Variants in PALLD observed in about 807,000 individuals in gnomAD.
The protein encoded by PALLD is palladin, cytoskeletal associated protein, also known as palladin.
PALLD carries 61 observed loss-of-function variants against 123.5 expected under a neutral mutation model. The observed-to-expected ratio is 0.49, with a 90% CI of 0.40 to 0.61. The LOEUF is 0.61. PALLD is among the 20% of genes least tolerant of loss of function. PALLD has a pLI of 0.00. For missense variants in PALLD, 1,273 were observed against 1,377.0 expected (o/e 0.92, Z 1.20); for synonymous variants, 465 against 496.4 (o/e 0.94, Z 0.84).
At chr4:168,627,020 T>G (rs186913784) in intron 2 of PALLD, among the ~76,000 whole-genome samples, 2 of 152,240 alleles carry the variant, frequency 1.3e-5, no homozygotes, top group African/African-American at 2.4e-5. Context: ...AGATCTTTTG[T>G]ACAACAGCAT....
chr4:168,827,169 T>C (rs760482670), intron 10 of PALLD, among the ~76,000 whole-genome samples: 3 of 152,208 alleles, frequency 2.0e-5, no homozygotes, highest in Non-Finnish European at 4.4e-5. Context: ...TTCTCCCTTA[T>C]CTTAATAAAA....
chr4:168,586,645 C>T (rs1430691977), intron 2 of PALLD, among the ~76,000 whole-genome samples: 1 of 152,150 alleles, frequency 6.6e-6, no homozygotes, highest in Non-Finnish European at 1.5e-5. Context: ...AACCCAGTTT[C>T]TGATCATATG....
At chr4:168,666,618 A>C (rs1269282792) in intron 2 of PALLD, among the ~76,000 whole-genome samples, 1 of 152,186 alleles carries the variant, frequency 6.6e-6, no homozygotes, top group Non-Finnish European at 1.5e-5. Context: ...ACAGAAACAG[A>C]GGATTAGTAT....
chr4:168,601,403 C>G (rs1387996889), intron 2 of PALLD, among the ~76,000 whole-genome samples: 2 of 152,068 alleles, frequency 1.3e-5, no homozygotes, highest in East Asian at 3.9e-4. Flanking sequence ...AACTTCAATG[C>G]GTAGAATGCC....
intron 9 of PALLD, among the ~76,000 whole-genome samples, chr4:168,710,870 C>A (rs1335908948): frequency 6.6e-6 from 1 of 152,146 alleles, no homozygotes; most frequent in Non-Finnish European, 1.5e-5. Context: ...TGCAGTAAAT[C>A]TGCTATAGGT....
At chr4:168,514,243 T>A (rs1295035859) in intron 2 of PALLD, among the ~76,000 whole-genome samples, 4 of 152,250 alleles carry the variant, frequency 2.6e-5, no homozygotes, top group African/African-American at 9.6e-5. Flanking sequence ...GATCACAAAC[T>A]TCCCTGTATC....
At chr4:168,555,930 G>A (rs1767238603) in intron 2 of PALLD, among the ~76,000 whole-genome samples, 1 of 152,124 alleles carries the variant, frequency 6.6e-6, no homozygotes, top group South Asian at 2.1e-4. Context: ...TATAACCTAA[G>A]ACACCCTATT....
chr4:168,627,027 G>A (rs2723695), intron 2 of PALLD, among the ~76,000 whole-genome samples: 65,962 of 152,020 alleles, frequency 0.43, 14,481 homozygotes, highest in African/African-American at 0.49. Flanking sequence ...TTGTACAACA[G>A]CATGAACATA....
intron 2 of PALLD, among the ~76,000 whole-genome samples, chr4:168,581,905 C>T (rs1391741873): frequency 2.0e-5 from 3 of 151,930 alleles, no homozygotes; most frequent in African/African-American, 7.2e-5. Flanking sequence ...ACATTTAAAT[C>T]TTGAATTCAC....
chr4:168,830,351 G>A (rs2874139), intron 10 of PALLD, among the ~76,000 whole-genome samples: 6 of 151,412 alleles, frequency 4.0e-5, no homozygotes, highest in Admixed American at 2.6e-4. Context: ...ATAGCGAGAC[G>A]TTGTCTTGAA....
intron 2 of PALLD, among the ~76,000 whole-genome samples, chr4:168,661,307 C>T (rs1779114921): frequency 6.6e-6 from 1 of 152,134 alleles, no homozygotes; most frequent in Non-Finnish European, 1.5e-5. Flanking sequence ...CTCCGTTAGC[C>T]CCTGCTACTA....
At chr4:168,575,474 A>G (rs1435190042) in intron 2 of PALLD, among the ~76,000 whole-genome samples, 4 of 151,970 alleles carry the variant, frequency 2.6e-5, no homozygotes, top group African/African-American at 9.7e-5. Context: ...CCATGATCCA[A>G]TCATCTCCCT....
intron 3 of PALLD, among the ~76,000 whole-genome samples, chr4:168,678,721 C>T (rs1781122328): frequency 6.6e-6 from 1 of 152,032 alleles, no homozygotes; most frequent in Non-Finnish European, 1.5e-5. Context: ...CTTCACTCAC[C>T]ACCGTATCAT....
At chr4:168,565,144 G>A (rs1477530499) in intron 2 of PALLD, among the ~76,000 whole-genome samples, 3 of 152,120 alleles carry the variant, frequency 2.0e-5, no homozygotes, top group Non-Finnish European at 4.4e-5. Context: ...GTGATCCTGG[G>A]AGGAAAATGA....
chr4:168,781,065 A>G (rs1410561895), intron 10 of PALLD, among the ~76,000 whole-genome samples: 1 of 152,124 alleles, frequency 6.6e-6, no homozygotes, highest in Non-Finnish European at 1.5e-5. Context: ...TTAAATGCCA[A>G]CAGAATACTT....
intron 10 of PALLD, among the ~76,000 whole-genome samples, chr4:168,776,512 G>T (rs1485776960): frequency 6.6e-6 from 1 of 152,002 alleles, no homozygotes; most frequent in East Asian, 1.9e-4. Flanking sequence ...TTGCCATATT[G>T]CAATGGCCAA....
chr4:168,926,084 C>T, intron 21 of PALLD, 129 bp from the exon 22 acceptor site: 1 of 707,690 alleles, frequency 1.4e-6, no homozygotes, highest in Admixed American at 3.2e-5. Flanking sequence ...CCTAAATTTT[C>T]CATGTTTCTA....
At chr4:168,708,183 C>T (rs940185336) in intron 8 of PALLD, among the ~76,000 whole-genome samples, 19 of 152,180 alleles carry the variant, frequency 1.2e-4, no homozygotes, top group African/African-American at 3.9e-4. Flanking sequence ...ATAAGATTGA[C>T]ATGATGATTA....
intron 10 of PALLD, among the ~76,000 whole-genome samples, chr4:168,837,334 C>T (rs1745343719): frequency 6.6e-6 from 1 of 152,164 alleles, no homozygotes; most frequent in South Asian, 2.1e-4. Context: ...TAACCTAGAC[C>T]TAGACATTAA....
Sources: allele counts gnomAD v4.1 joint callset (sites outside exome capture counted in the v4.1 genomes callset), GRCh38; gene constraint gnomAD v4.1.1; transcripts MANE v1.5; gene names NCBI Gene and HGNC (gene_info 2026-07-23, HGNC 2026-07-21).